ERBIN: variants seen among roughly 807,000 people sequenced by gnomAD.
ERBIN encodes densin-180-like protein.
A neutral mutation model predicts 158.4 loss-of-function variants in ERBIN; 60 were observed. That is an observed-to-expected ratio of 0.38 (90% CI 0.31 to 0.47). ERBIN has a LOEUF of 0.47. Ranked by LOEUF, ERBIN falls within the 20% of genes least tolerant of loss-of-function variation. The probability of loss-of-function intolerance (pLI) is 0.99; values close to 1 mark genes in which losing one functional copy is unlikely to be tolerated. For missense variants in ERBIN, 1,610 were observed against 1,648.0 expected (o/e 0.98, Z 0.40); for synonymous variants, 594 against 557.2 (o/e 1.07, Z -0.93).
chr5:65,976,222 C>T (rs1271987210), intron 1 of ERBIN, among the ~76,000 whole-genome samples: 1 of 152,100 alleles, frequency 6.6e-6, no homozygotes, highest in African/African-American at 2.4e-5. Context: ...ACCTATAATC[C>T]CAGCACTTTG....
chr5:65,935,604 C>T (rs1205703337), intron 1 of ERBIN, among the ~76,000 whole-genome samples: 2 of 152,234 alleles, frequency 1.3e-5, no homozygotes. Flanking sequence ...ATTCTTGAGG[C>T]GACTGTGAAA....
intron 1 of ERBIN, among the ~76,000 whole-genome samples, chr5:65,929,866 C>G (rs1733105001): frequency 6.6e-6 from 1 of 152,100 alleles, no homozygotes; most frequent in South Asian, 2.1e-4. Context: ...TCTCGAACTC[C>G]CGACCTCAGG....
chr5:66,053,496 AGATTTTAACTTACCTGAATAT>A lies in ERBIN; in HGVS notation c.2184_2204del (p.Phe728_Asp734del), dbSNP rs1325947048. The A allele has an allele frequency of 1.2e-6, 2 of 1,608,172 alleles. No homozygotes were observed. The highest frequency in any genetic ancestry group is 2.2e-5 in the South Asian group (2 of 90,192). On this transcript the variant is annotated inframe_deletion, in exon 21 of 26. Transcript: ENST00000284037. ...AAAAGTTCAAAGCTCATGATAAAAA[AGATTTTAACTTACCTGAATAT>A]GATTTGAATGTTGAAGAGCGATTAG...
chr5:66,069,472 G>C (rs1335917439), intron 21 of ERBIN, among the ~76,000 whole-genome samples: 1 of 152,220 alleles, frequency 6.6e-6, no homozygotes, highest in Admixed American at 6.5e-5. Flanking sequence ...CACTGAGCAT[G>C]ATTAACTGTG....
At chr5:65,998,356 A>G (rs1257521203) in intron 4 of ERBIN, among the ~76,000 whole-genome samples, 5 of 151,396 alleles carry the variant, frequency 3.3e-5, no homozygotes, top group Admixed American at 1.3e-4. Context: ...CTTCTGTTTT[A>G]AGGATTTATT....
intron 1 of ERBIN, among the ~76,000 whole-genome samples, chr5:65,981,669 T>A (rs1427708439): frequency 6.6e-6 from 1 of 152,168 alleles, no homozygotes; most frequent in Non-Finnish European, 1.5e-5. Context: ...AAACAATTGT[T>A]TTAGGTATCT....
intron 1 of ERBIN, among the ~76,000 whole-genome samples, chr5:65,968,030 G>A (rs866425655): frequency 1.3e-5 from 2 of 152,198 alleles, no homozygotes; most frequent in African/African-American, 2.4e-5. Flanking sequence ...AGCCTTGGAC[G>A]TCATGTAGCA....
chr5:65,958,959 A>G (rs1747611741), intron 1 of ERBIN, among the ~76,000 whole-genome samples: 1 of 152,196 alleles, frequency 6.6e-6, no homozygotes, highest in South Asian at 2.1e-4. Context: ...ACTTAAACCT[A>G]TCATAAGTGG....
Position 66,077,085 on chromosome 5 carries a change from C to A in ERBIN, c.4131+136C>A, listed in dbSNP as rs571408468. On this transcript the variant is annotated intron_variant, in intron 25 of 25. Coordinates refer to ENST00000284037, the MANE Select transcript of ERBIN (RefSeq NM_001253697.2). ...AGAATGGCGTGAACCCGGGAGGCGG[C>A]ACTTGCAGCGAGCCGAGATCGCGCC... The A allele has an allele frequency of 5.8e-3, 3,271 of 563,412 alleles. 98 individuals are homozygous for A. In the African/African-American group the frequency reaches 0.061, roughly 10 times the overall value. 34.9% of individuals were successfully genotyped at this position (563,412 alleles called of 1,614,324 possible).
chr5:65,971,473 G>A (rs1749238166), intron 1 of ERBIN, among the ~76,000 whole-genome samples: 1 of 152,088 alleles, frequency 6.6e-6, no homozygotes, highest in African/African-American at 2.4e-5. Context: ...TTTGGTATAA[G>A]TAAAGTATAT....
chr5:66,051,777 C>T (rs751194904), intron 20 of ERBIN, among the ~76,000 whole-genome samples: 27 of 151,874 alleles, frequency 1.8e-4, no homozygotes, highest in Non-Finnish European at 3.4e-4. Flanking sequence ...TGCCTGTAGT[C>T]CCAGCTACCT....
chr5:66,025,678 G>T, intron 11 of ERBIN, 126 bp downstream of exon 11: 2 of 889,298 alleles, frequency 2.2e-6, no homozygotes, highest in South Asian at 1.6e-5. Context: ...TTAGTATACA[G>T]GTTGAGTGTG....
At chr5:66,078,340 C>A (rs905323255) in intron 25 of ERBIN, 83 bp from the exon 26 acceptor site, 2 of 848,466 alleles carry the variant, frequency 2.4e-6, no homozygotes, top group Non-Finnish European at 3.7e-6. Context: ...TTCTTATTTT[C>A]TTCCAAGTTT....
intron 13 of ERBIN, 29 bp from the exon 14 acceptor site, chr5:66,028,245 T>C (rs1311488111): frequency 1.3e-6 from 2 of 1,548,480 alleles, no homozygotes; most frequent in South Asian, 1.1e-5. Flanking sequence ...TTTTAAAGTT[T>C]AATTTTTGTT....
chr5:65,971,279 G>A (rs1019743365), intron 1 of ERBIN, among the ~76,000 whole-genome samples: 1 of 150,910 alleles, frequency 6.6e-6, no homozygotes, highest in African/African-American at 2.4e-5. Flanking sequence ...AGCCTGTATT[G>A]CATCAGGTTT....
intron 2 of ERBIN, among the ~76,000 whole-genome samples, chr5:65,990,420 G>T (rs1751738453): frequency 6.6e-6 from 1 of 151,394 alleles, no homozygotes; most frequent in African/African-American, 2.4e-5. Flanking sequence ...TGTAATCCCA[G>T]CACTTTGGGA....
At chr5:65,983,288 C>G (rs1215116207) in intron 1 of ERBIN, among the ~76,000 whole-genome samples, 3 of 152,122 alleles carry the variant, frequency 2.0e-5, no homozygotes, top group Non-Finnish European at 4.4e-5. Context: ...CCATCAACAT[C>G]TTTTCCTTAT....
At chr5:66,057,060 T>C (rs1759662450) in intron 21 of ERBIN, among the ~76,000 whole-genome samples, 1 of 152,214 alleles carries the variant, frequency 6.6e-6, no homozygotes, top group Non-Finnish European at 1.5e-5. Flanking sequence ...TTAAATGGAT[T>C]CATGTTTTAT....
intron 1 of ERBIN, among the ~76,000 whole-genome samples, chr5:65,955,211 G>A (rs1389951562): frequency 1.3e-5 from 2 of 152,112 alleles, no homozygotes; most frequent in Non-Finnish European, 2.9e-5. Context: ...TAGCACATAG[G>A]GGGGCCAACA....
Sources: allele counts gnomAD v4.1 joint callset (sites outside exome capture counted in the v4.1 genomes callset), GRCh38; gene constraint gnomAD v4.1.1; transcripts MANE v1.5; gene names NCBI Gene and HGNC (gene_info 2026-07-23, HGNC 2026-07-21).